Variants in FLVCR2 observed in about 807,000 individuals in gnomAD.
FLVCR2 encodes the protein FLVCR choline and putative heme transporter 2.
Under a neutral mutation model 48.9 loss-of-function variants are expected in FLVCR2, and 38 were observed. The ratio of observed to expected loss-of-function variants is 0.78; its 90% CI spans 0.60 to 1.02. The LOEUF (loss-of-function observed/expected upper bound fraction) is 1.02, where lower values mean the gene tolerates loss of function less well. FLVCR2 is among the 50% of genes least tolerant of loss of function. FLVCR2 has a pLI of 0.00. For synonymous variants in FLVCR2, 255 were observed against 257.0 expected, an observed-to-expected ratio of 0.99 and a Z score of 0.07; for missense variants, 664 against 663.3, an observed-to-expected ratio of 1.00 and a Z score of -0.01.
At chr14:75,605,240 A>C (rs184788981) in intron 1 of FLVCR2, among the ~76,000 whole-genome samples, 33 of 152,302 alleles carry the variant, frequency 2.2e-4, no homozygotes, top group Admixed American at 1.3e-3. Flanking sequence ...TTAAAACAAC[A>C]ACCACCACCA....
chr14:75,603,191 C>T (rs554560348), intron 1 of FLVCR2, among the ~76,000 whole-genome samples: 86 of 152,322 alleles, frequency 5.6e-4, no homozygotes, highest in South Asian at 2.5e-3. Flanking sequence ...GGGCCCCACC[C>T]TCAAGCCTGA....
chr14:75,632,931 C>T, intron 3 of FLVCR2: 1 of 702,302 alleles, frequency 1.4e-6, no homozygotes, highest in East Asian at 2.7e-5. Flanking sequence ...GAAGGGAGGC[C>T]AGGAGGCCTT....
intron 1 of FLVCR2, among the ~76,000 whole-genome samples, chr14:75,601,619 A>T (rs1464930469): frequency 1.3e-5 from 2 of 152,248 alleles, no homozygotes; most frequent in Non-Finnish European, 2.9e-5. Flanking sequence ...TGAAAACAAC[A>T]TGAAGCACCT....
chr14:75,633,078 G>C (rs186540626), intron 3 of FLVCR2: 7 of 653,062 alleles, frequency 1.1e-5, no homozygotes, highest in Non-Finnish European at 1.9e-5. Context: ...TAAAGTAGGA[G>C]AGTCAACTGA....
intron 5 of FLVCR2, among the ~76,000 whole-genome samples, chr14:75,637,229 A>C (rs960516337): frequency 2.0e-5 from 3 of 152,234 alleles, no homozygotes; most frequent in Non-Finnish European, 4.4e-5. Context: ...CCTGAGCTTC[A>C]GTTTCTTCAT....
chr14:75,609,241 T>C (rs112476222), intron 1 of FLVCR2, among the ~76,000 whole-genome samples: 8 of 152,128 alleles, frequency 5.3e-5, no homozygotes, highest in Non-Finnish European at 7.4e-5. Flanking sequence ...AGAGTTCACA[T>C]TGAAGGGAAG....
chr14:75,587,193 A>G (rs1888771694), intron 1 of FLVCR2, among the ~76,000 whole-genome samples: 1 of 152,148 alleles, frequency 6.6e-6, no homozygotes. Context: ...GGGAACTGTG[A>G]TCCAGATAAA....
chr14:75,589,070 G>A (rs536728255), intron 1 of FLVCR2, among the ~76,000 whole-genome samples: 2 of 151,840 alleles, frequency 1.3e-5, no homozygotes, highest in Non-Finnish European at 2.9e-5. Flanking sequence ...AAAAAAAGAA[G>A]CTGTGCATGG....
chr14:75,584,136 C>A (rs1297530870), intron 1 of FLVCR2, among the ~76,000 whole-genome samples: 3 of 152,136 alleles, frequency 2.0e-5, no homozygotes, highest in African/African-American at 7.2e-5. Flanking sequence ...TTCTGGCATT[C>A]GAAGCAAGGT....
intron 6 of FLVCR2, 140 bp from the exon 7 acceptor site, chr14:75,640,815 G>T (rs1890291732): frequency 8.4e-6 from 6 of 712,010 alleles, no homozygotes; most frequent in Admixed American, 2.0e-5. Flanking sequence ...CATAGAGGAT[G>T]CCCAGATCAT....
At chr14:75,643,583 A>G (rs1277981200) in intron 9 of FLVCR2, among the ~76,000 whole-genome samples, 1 of 152,194 alleles carries the variant, frequency 6.6e-6, no homozygotes, top group Non-Finnish European at 1.5e-5. Context: ...GGTCTTTACT[A>G]TTTGTCTTTT....
intron 1 of FLVCR2, among the ~76,000 whole-genome samples, chr14:75,599,963 T>C (rs1412549359): frequency 6.6e-6 from 1 of 152,160 alleles, no homozygotes; most frequent in Non-Finnish European, 1.5e-5. Context: ...CCATCTTGAA[T>C]AGGGGCTGGG....
At chr14:75,609,941 G>A (rs1387180292) in intron 1 of FLVCR2, among the ~76,000 whole-genome samples, 5 of 152,288 alleles carry the variant, frequency 3.3e-5, no homozygotes, top group South Asian at 4.1e-4. Flanking sequence ...GCAGAAGACC[G>A]GAGAATCCCT....
Position 75,647,475 on chromosome 14 carries a change from G to C in FLVCR2, c.*1003G>C, listed in dbSNP as rs549464206. The C allele has an allele frequency of 6.6e-6, 1 of 152,534 alleles. No individual in the cohort carries two copies. The highest frequency in any genetic ancestry group is 1.5e-5 in the Non-Finnish European group (1 of 68,044). The allele number at this position is 152,534 out of a possible 1,614,324, so 9.4% of individuals were successfully genotyped here. A position where few individuals can be genotyped will look rare whatever the true frequency, so the allele number is the denominator to read the frequency against. On this transcript the variant is annotated 3_prime_UTR_variant, in exon 10 of 10. Coordinates refer to ENST00000238667, the MANE Select transcript of FLVCR2 (RefSeq NM_017791.3). ...TGCTTCTGAGAGATAAGAGGGAAGG[G>C]GTAGAAGGAAAGGTGCCCCTTGAAA... is the stretch of plus-strand genomic sequence containing the variant.
At chr14:75,611,898 C>T (rs1163140606) in intron 1 of FLVCR2, among the ~76,000 whole-genome samples, 1 of 152,178 alleles carries the variant, frequency 6.6e-6, no homozygotes, top group Non-Finnish European at 1.5e-5. Context: ...TACATATTCA[C>T]CTCCTTCCTC....
chr14:75,600,204 G>A (rs1468882281), intron 1 of FLVCR2, among the ~76,000 whole-genome samples: 1 of 152,150 alleles, frequency 6.6e-6, no homozygotes, highest in Non-Finnish European at 1.5e-5. Context: ...CATGTTAAAA[G>A]ACACTCCCAC....
chr14:75,614,784 C>T (rs558203947), intron 1 of FLVCR2, among the ~76,000 whole-genome samples: 1 of 152,276 alleles, frequency 6.6e-6, no homozygotes, highest in South Asian at 2.1e-4. Flanking sequence ...AGGAAACTTA[C>T]AATCATGGTG....
rs117342828 is a variant in FLVCR2 at position 75,634,723 on chromosome 14, G to T, written c.1021-187G>T. On this transcript the variant is annotated intron_variant, in intron 4 of 9. Coordinates refer to ENST00000238667, the MANE Select transcript of FLVCR2 (RefSeq NM_017791.3). Reference sequence around the variant, plus strand: ...CCAATATCATGCACACACAGTCAGGGTTATATTGTTGGGAGGAGTAGTTAT... The same window carrying T: ...CCAATATCATGCACACACAGTCAGGTTTATATTGTTGGGAGGAGTAGTTAT... Among the ~76,000 whole-genome samples, 1,379 of 152,308 alleles carry T rather than the reference G, an allele frequency of 9.1e-3. 12 individuals are homozygous for T. The highest frequency in any genetic ancestry group is 0.014 in the Non-Finnish European group (932 of 68,020).
chr14:75,638,162 G>A (rs575092428), intron 5 of FLVCR2, among the ~76,000 whole-genome samples: 18 of 152,286 alleles, frequency 1.2e-4, no homozygotes, highest in African/African-American at 4.3e-4. Flanking sequence ...TGGGCCAGGC[G>A]CAGTGGCTCA....
Sources: gnomAD v4.1 joint callset for allele counts (sites outside exome capture counted in the v4.1 genomes callset) on GRCh38, gnomAD v4.1.1 for gene constraint, MANE v1.5 for transcripts, NCBI Gene and HGNC (gene_info 2026-07-23, HGNC 2026-07-21) for gene names.